The following ANKS1B variants were observed in gnomAD, a reference collection of about 807,000 sequenced individuals.
ANKS1B encodes the protein ankyrin repeat and sterile alpha motif domain-containing protein 1B.
In ANKS1B, 36 loss-of-function variants were observed where a neutral mutation model predicts 148.3. The ratio of observed to expected loss-of-function variants is 0.24; its 90% CI spans 0.19 to 0.32. ANKS1B has a LOEUF of 0.32. Ranked by LOEUF, ANKS1B falls within the 10% of genes least tolerant of loss-of-function variation. ANKS1B has a pLI of 1.00. For missense variants in ANKS1B, 1,157 were observed against 1,542.6 expected, an observed-to-expected ratio of 0.75 and a Z score of 4.19; for synonymous variants, 542 against 560.8, an observed-to-expected ratio of 0.97 and a Z score of 0.47.
At chr12:99,888,955 C>T (rs971488036) in intron 1 of ANKS1B, among the ~76,000 whole-genome samples, 9 of 123,366 alleles carry the variant, frequency 7.3e-5, no homozygotes, top group Non-Finnish European at 1.4e-4. Flanking sequence ...GGAAAAATGG[C>T]TCACCTTCGC....
chr12:99,404,862 C>T lies in ANKS1B; in HGVS notation c.1576-5051G>A, dbSNP rs1363158808. On this transcript the variant is annotated intron_variant, in intron 11 of 26. Coordinates refer to ENST00000683438, the MANE Select transcript of ANKS1B (RefSeq NM_001352186.2). The stretch of plus-strand genomic sequence containing the variant: ...TACCTCAAGCTATTTAATAACTTAA[C>T]TCTCAAAATTCAAGGATAAACAAAG... Among the ~76,000 whole-genome samples the T allele has an allele frequency of 2.7e-5, 4 of 145,590 alleles. 1 individual carries two copies. Among genetic ancestry groups the T allele is most frequent in the Non-Finnish European group, 6.1e-5 (4 of 65,892 alleles).
chr12:99,906,161 T>C (rs998483268), intron 1 of ANKS1B, among the ~76,000 whole-genome samples: 1 of 152,200 alleles, frequency 6.6e-6, no homozygotes, highest in Non-Finnish European at 1.5e-5. Context: ...GGCATCTGTA[T>C]GTTTGCAGCC....
chr12:99,478,528 G>A (rs535030877), intron 10 of ANKS1B, among the ~76,000 whole-genome samples: 33 of 152,024 alleles, frequency 2.2e-4, no homozygotes, highest in Non-Finnish European at 4.4e-4. Context: ...ACCACCTCCT[G>A]TGCCAACTCA....
chr12:99,924,415 G>T (rs1048510716), intron 1 of ANKS1B, among the ~76,000 whole-genome samples: 2 of 152,030 alleles, frequency 1.3e-5, no homozygotes, highest in African/African-American at 4.8e-5. Flanking sequence ...TAATATTTGA[G>T]GTATTGCAGC....
chr12:99,957,614 T>C (rs1041345783), intron 1 of ANKS1B, among the ~76,000 whole-genome samples: 2 of 152,260 alleles, frequency 1.3e-5, no homozygotes, highest in East Asian at 3.8e-4. Flanking sequence ...CTGTTGCTTA[T>C]GTAGTCGAAT....
intron 2 of ANKS1B, among the ~76,000 whole-genome samples, chr12:99,824,925 A>G (rs1262988534): frequency 7.2e-5 from 11 of 152,188 alleles, no homozygotes; most frequent in Non-Finnish European, 1.5e-5. Flanking sequence ...GAGTCATGCT[A>G]AGTTTACACT....
chr12:99,068,493 A>T (rs1275628560), intron 16 of ANKS1B, among the ~76,000 whole-genome samples: 3 of 152,168 alleles, frequency 2.0e-5, no homozygotes, highest in Non-Finnish European at 4.4e-5. Context: ...CACTGACCCA[A>T]ATGTTGTTAT....
chr12:99,616,088 G>A (rs531609609), intron 9 of ANKS1B, among the ~76,000 whole-genome samples: 1 of 152,242 alleles, frequency 6.6e-6, no homozygotes, highest in African/African-American at 2.4e-5. Context: ...TACAAGGGAT[G>A]TGAAGGACCT....
rs140947256 is a variant in ANKS1B, at chr12:99,341,850, C to A, written c.1756+57781G>T. ...ATAGAAGGAAGCAAGGATTTCAACC[C>A]AGGTATTCTGATCAACATTCACCTT... On this transcript the variant is annotated intron_variant, in intron 12 of 26. Transcript: ENST00000683438. 1.2e-4 allele frequency among the ~76,000 whole-genome samples: 18 copies of A among 152,168 alleles called. 1 individual carries two copies. Among genetic ancestry groups the A allele is most frequent in the African/African-American group, 4.1e-4 (17 of 41,534 alleles).
intron 12 of ANKS1B, among the ~76,000 whole-genome samples, chr12:99,334,151 TAGACAGACAGAC>T (rs750913591): frequency 1.3e-5 from 2 of 150,162 alleles, no homozygotes; most frequent in African/African-American, 4.9e-5. Flanking sequence ...GATAGATAGA[TAGACAGACAGAC>T]AGACAGACAG....
chr12:99,673,095 A>C (rs1175321899), intron 8 of ANKS1B, among the ~76,000 whole-genome samples: 2 of 152,158 alleles, frequency 1.3e-5, no homozygotes, highest in Non-Finnish European at 2.9e-5. Flanking sequence ...ACACTGATCT[A>C]TTCTAAGACC....
chr12:99,570,199 C>G (rs1279253843), intron 9 of ANKS1B, among the ~76,000 whole-genome samples: 1 of 152,148 alleles, frequency 6.6e-6, no homozygotes. Context: ...CATCTTTCAT[C>G]TGCCAGCTTG....
chr12:98,956,089 C>G (rs901136446), intron 17 of ANKS1B, among the ~76,000 whole-genome samples: 1 of 152,208 alleles, frequency 6.6e-6, no homozygotes, highest in Non-Finnish European at 1.5e-5. Flanking sequence ...CACACCATGT[C>G]TAAAATGGAA....
chr12:99,007,763 AC>A lies in ANKS1B; in HGVS notation c.2778+45393del, dbSNP rs2099936987. 4.6e-5 allele frequency among the ~76,000 whole-genome samples: 7 copies of A among 151,982 alleles called. No individual in the cohort carries two copies. The South Asian group carries it at 1.2e-3, about 27-fold the overall frequency. On this transcript the variant is annotated intron_variant, in intron 17 of 26. Coordinates refer to ENST00000683438, the MANE Select transcript of ANKS1B (RefSeq NM_001352186.2). ...AGACCCAATTCCTCCTGTTTTGGGG[AC>A]TGGGAGAGAAGATGAGATGGCTTAA...
intron 17 of ANKS1B, among the ~76,000 whole-genome samples, chr12:98,963,392 G>A (rs192398703): frequency 6.6e-6 from 1 of 152,024 alleles, no homozygotes; most frequent in Non-Finnish European, 1.5e-5. Flanking sequence ...AGGCTAGGCT[G>A]GTCCCAAACT....
In ANKS1B at chr12:99,617,824, C is replaced by G. The variant is rs185570319; in HGVS notation, c.1272+37243G>C. 1.7e-3 allele frequency among the ~76,000 whole-genome samples: 263 copies of G among 150,874 alleles called. 4 individuals carry two copies. Among genetic ancestry groups the G allele is most frequent in the Admixed American group, 0.016 (245 of 15,150 alleles). On this transcript the variant is annotated intron_variant, in intron 9 of 26. Coordinates refer to ENST00000683438, the MANE Select transcript of ANKS1B (RefSeq NM_001352186.2). ...GTAAGATTTAAAAAAAAAAACAAAA[C>G]AAAGCAAAACAAATATACATAAACA...
intron 25 of ANKS1B, among the ~76,000 whole-genome samples, chr12:98,768,550 T>G (rs12370809): frequency 2.0e-5 from 3 of 148,074 alleles, no homozygotes; most frequent in Non-Finnish European, 4.4e-5. Flanking sequence ...TTGGCTAACA[T>G]GGTGAAACCC....
At chr12:99,534,287 G>A (rs2097037492) in intron 9 of ANKS1B, among the ~76,000 whole-genome samples, 1 of 152,212 alleles carries the variant, frequency 6.6e-6, no homozygotes. Flanking sequence ...GATAAGTCCA[G>A]AAATCTGAAT....
intron 12 of ANKS1B, among the ~76,000 whole-genome samples, chr12:99,396,506 T>C (rs2094247567): frequency 6.6e-6 from 1 of 152,214 alleles, no homozygotes; most frequent in Non-Finnish European, 1.5e-5. Flanking sequence ...AGAAAACCAC[T>C]GTAACATGGT....
Sources: allele counts gnomAD v4.1 joint callset (sites outside exome capture counted in the v4.1 genomes callset), GRCh38; gene constraint gnomAD v4.1.1; transcripts MANE v1.5; gene names NCBI Gene and HGNC (gene_info 2026-07-23, HGNC 2026-07-21).